Variants in PLPPR1 observed in about 807,000 individuals in gnomAD.
The protein encoded by PLPPR1 is phospholipid phosphatase-related protein type 1.
A neutral mutation model predicts 33.1 loss-of-function variants in PLPPR1; 10 were observed. That is an observed-to-expected ratio of 0.30 (90% CI 0.19 to 0.51). The LOEUF is 0.51. Among genes scored for constraint, PLPPR1 ranks in the 20% least tolerant of loss-of-function variants. The probability of loss-of-function intolerance (pLI) is 0.97; values close to 1 mark genes in which losing one functional copy is unlikely to be tolerated. For missense variants in PLPPR1, 304 were observed against 408.1 expected (o/e 0.74, Z 2.20); for synonymous variants, 151 against 151.0 (o/e 1.00, Z 0.00).
chr9:101,225,714 A>G (rs1827050519), intron 2 of PLPPR1, among the ~76,000 whole-genome samples: 1 of 150,876 alleles, frequency 6.6e-6, no homozygotes, highest in African/African-American at 2.4e-5. Context: ...CTCAGTTAGC[A>G]TTATCCCCCC....
chr9:101,144,015 G>C (rs1290393078), intron 1 of PLPPR1, among the ~76,000 whole-genome samples: 1 of 151,998 alleles, frequency 6.6e-6, no homozygotes, highest in African/African-American at 2.4e-5. Flanking sequence ...CAATAGCAAA[G>C]ACTTGGTCTA....
chr9:101,101,999 C>A (rs1830906824), intron 1 of PLPPR1, among the ~76,000 whole-genome samples: 1 of 151,908 alleles, frequency 6.6e-6, no homozygotes, highest in Admixed American at 6.6e-5. Context: ...TAAGTTACTA[C>A]CTTTTTCACT....
At chr9:101,216,510 G>A (rs555265268) in intron 2 of PLPPR1, among the ~76,000 whole-genome samples, 1 of 152,066 alleles carries the variant, frequency 6.6e-6, no homozygotes, top group East Asian at 1.9e-4. Flanking sequence ...TGATTCCTTT[G>A]CTACTCAGAA....
Position 101,269,994 on chromosome 9 carries a change from C to A in PLPPR1, c.178C>A (p.Pro60Thr). 3 of 1,614,166 alleles carry A rather than the reference C, an allele frequency of 1.9e-6. No homozygotes were observed. The highest frequency in any genetic ancestry group is 2.5e-6 in the Non-Finnish European group (3 of 1,180,014). ...GGACGGAGACTTAATGAAGCCTTACCCAGGGACAGAGGAAGAAAGCTTCAT... is the reference window on the plus strand; with the variant it reads ...GGACGGAGACTTAATGAAGCCTTACACAGGGACAGAGGAAGAAAGCTTCAT... ...CQDGDLMKPY[P>T]GTEEESFITP... Residue 60 changes from proline (P) to threonine (T), a missense_variant, in exon 3 of 8, where the codon CCA becomes ACA. Pro to Thr is a conservative substitution (Grantham distance 38). Transcript: ENST00000374874.
intron 1 of PLPPR1, among the ~76,000 whole-genome samples, chr9:101,117,545 A>G (rs1291819785): frequency 6.6e-6 from 1 of 152,184 alleles, no homozygotes; most frequent in Non-Finnish European, 1.5e-5. Context: ...CTTGTTTAGC[A>G]TATAATAAAG....
chr9:101,264,339 G>C (rs1827948777), intron 2 of PLPPR1, among the ~76,000 whole-genome samples: 1 of 152,018 alleles, frequency 6.6e-6, no homozygotes, highest in Non-Finnish European at 1.5e-5. Context: ...TATTGATGGA[G>C]CTGGGCCAAA....
chr9:101,178,616 C>A (rs904723513), intron 1 of PLPPR1, among the ~76,000 whole-genome samples: 8 of 152,170 alleles, frequency 5.3e-5, no homozygotes, highest in African/African-American at 1.9e-4. Context: ...ATTCACTGGT[C>A]TTACCATGTA....
At position 101,195,581 on chromosome 9, in the gene PLPPR1, G is replaced by T. The variant is rs983029251; in HGVS notation, c.63+10024G>T. On this transcript the variant is annotated intron_variant, in intron 2 of 7. Coordinates refer to ENST00000374874, the MANE Select transcript of PLPPR1 (RefSeq NM_207299.2). ...AAGAGAAGATTCTAGTACTACGTGA[G>T]TGACTGGACTAGGAGACCATTAACA... Among the ~76,000 whole-genome samples the T allele has an allele frequency of 3.9e-5, 6 of 152,180 alleles. No homozygotes were observed. In the South Asian group the frequency reaches 1.2e-3, roughly 32 times the overall value.
At chr9:101,097,316 A>G (rs1227454835) in intron 1 of PLPPR1, among the ~76,000 whole-genome samples, 1 of 152,212 alleles carries the variant, frequency 6.6e-6, no homozygotes, top group Non-Finnish European at 1.5e-5. Flanking sequence ...TAACACCTGC[A>G]TGTAGCACCC....
At chr9:101,315,267 G>C (rs1829030919) in intron 6 of PLPPR1, among the ~76,000 whole-genome samples, 1 of 152,080 alleles carries the variant, frequency 6.6e-6, no homozygotes, top group Non-Finnish European at 1.5e-5. Context: ...CATTCCTGAG[G>C]AATTTTTTTA....
intron 2 of PLPPR1, among the ~76,000 whole-genome samples, chr9:101,256,296 G>A (rs953084609): frequency 6.6e-6 from 1 of 152,128 alleles, no homozygotes; most frequent in African/African-American, 2.4e-5. Context: ...TATTAGGTAG[G>A]TGTTTGCTTA....
intron 2 of PLPPR1, among the ~76,000 whole-genome samples, chr9:101,194,298 G>A (rs539176723): frequency 2.6e-5 from 4 of 152,174 alleles, no homozygotes; most frequent in African/African-American, 7.2e-5. Context: ...AATAATAAAA[G>A]CATAACTGAT....
rs192542145 is a variant in PLPPR1, at chr9:101,137,484, T to C, written c.-45-47966T>C. 3.9e-5 allele frequency among the ~76,000 whole-genome samples: 6 copies of C among 152,284 alleles called. No homozygotes were observed. In the East Asian group the frequency reaches 1.2e-3, roughly 29 times the overall value. On this transcript the variant is annotated intron_variant, in intron 1 of 7. Coordinates refer to ENST00000374874, the MANE Select transcript of PLPPR1 (RefSeq NM_207299.2). ...GGACACTGATAGCCCATACTTTGCCTTGGGTAAATTAGAAAAGGATGCCAG... is the reference window on the plus strand; with the variant it reads ...GGACACTGATAGCCCATACTTTGCCCTGGGTAAATTAGAAAAGGATGCCAG...
chr9:101,205,326 T>C (rs57056311), intron 2 of PLPPR1, among the ~76,000 whole-genome samples: 19,080 of 152,208 alleles, frequency 0.13, 1,433 homozygotes, highest in East Asian at 0.28. Context: ...TAAATGCTGT[T>C]GGCAGGTGGA....
intron 1 of PLPPR1, among the ~76,000 whole-genome samples, chr9:101,087,559 G>T (rs945354707): frequency 2.0e-5 from 3 of 152,154 alleles, no homozygotes; most frequent in African/African-American, 7.2e-5. Context: ...CTCTAGCTTT[G>T]TTTCTCTAGG....
chr9:101,043,000 G>T (rs1830094321), intron 1 of PLPPR1, among the ~76,000 whole-genome samples: 1 of 151,916 alleles, frequency 6.6e-6, no homozygotes, highest in Non-Finnish European at 1.5e-5. Flanking sequence ...ACTTTGGTTT[G>T]CCCATCACCG....
intron 2 of PLPPR1, among the ~76,000 whole-genome samples, chr9:101,197,278 T>C (rs73656184): frequency 2.0e-5 from 3 of 152,320 alleles, no homozygotes; most frequent in African/African-American, 7.2e-5. Context: ...ATGCTAATAT[T>C]GACCCACTAG....
intron 1 of PLPPR1, among the ~76,000 whole-genome samples, chr9:101,084,402 G>T (rs1830653492): frequency 6.6e-6 from 1 of 152,182 alleles, no homozygotes; most frequent in African/African-American, 2.4e-5. Context: ...CATGATGATG[G>T]TGACAGTGAT....
At chr9:101,208,911 G>A (rs1826635552) in intron 2 of PLPPR1, among the ~76,000 whole-genome samples, 1 of 152,178 alleles carries the variant, frequency 6.6e-6, no homozygotes. Context: ...TAGTCTGTCT[G>A]TGCCTTGGTT....
Sources: gnomAD v4.1 joint callset for allele counts (sites outside exome capture counted in the v4.1 genomes callset) on GRCh38, gnomAD v4.1.1 for gene constraint, MANE v1.5 for transcripts, NCBI Gene and HGNC (gene_info 2026-07-23, HGNC 2026-07-21) for gene names.